Variants in CNTNAP4 observed in about 807,000 individuals in gnomAD.
CNTNAP4 encodes contactin associated protein family member 4.
A neutral mutation model predicts 148.4 loss-of-function variants in CNTNAP4; 98 were observed. That is an observed-to-expected ratio of 0.66 (90% CI 0.56 to 0.78). The LOEUF (loss-of-function observed/expected upper bound fraction) is 0.78, where lower values mean the gene tolerates loss of function less well. CNTNAP4 is among the 30% of genes least tolerant of loss of function. The pLI is 0.00. For missense variants in CNTNAP4, 1,935 were observed against 1,565.6 expected (o/e 1.24, Z -3.98); for synonymous variants, 730 against 565.1 (o/e 1.29, Z -4.14).
intron 3 of CNTNAP4, among the ~76,000 whole-genome samples, chr16:76,383,936 A>G (rs964994408): frequency 1.3e-5 from 2 of 152,204 alleles, no homozygotes; most frequent in African/African-American, 4.8e-5. Flanking sequence ...TGTCCATAAT[A>G]AAAATGTTAA....
chr16:76,369,846 A>AGAGG (rs2014589846), intron 3 of CNTNAP4, among the ~76,000 whole-genome samples: 1 of 152,044 alleles, frequency 6.6e-6, no homozygotes, highest in East Asian at 1.9e-4. Flanking sequence ...TGTTTCAAAG[A>AGAGG]GAGGGAGGGA....
intron 23 of CNTNAP4, 70 bp downstream of exon 23, chr16:76,553,977 G>T: frequency 1.0e-6 from 1 of 1,001,660 alleles, no homozygotes; most frequent in South Asian, 1.4e-5. Context: ...ATTTAGCATT[G>T]TAGAAACTGT....
Position 76,452,514 on chromosome 16 carries a change from G to T in CNTNAP4, c.1078G>T (p.Val360Leu), listed in dbSNP as rs752679184. 2 of 1,613,940 alleles carry T rather than the reference G, an allele frequency of 1.2e-6. No individual in the cohort carries two copies. Among genetic ancestry groups the T allele is most frequent in the East Asian group, 4.5e-5 (2 of 44,882 alleles). ...TCTTTTACTTTATTCTCAGGGAAAT[G>T]TGTCATTTTCTTGTTCACAACCACA... is the stretch of plus-strand genomic sequence containing the variant. ...QKPQIIAMGN[V>L]SFSCSQPQSM... The change falls in exon 8 of 24, where the codon GTG becomes TTG. Residue 360 changes from valine to leucine, a missense_variant. Physicochemically the swap from Val to Leu is conservative, Grantham distance 32 (BLOSUM62 1). Coordinates refer to ENST00000611870, the MANE Select transcript of CNTNAP4 (RefSeq NM_033401.5).
At chr16:76,411,216 A>T (rs1227144130) in intron 3 of CNTNAP4, among the ~76,000 whole-genome samples, 1 of 151,450 alleles carries the variant, frequency 6.6e-6, no homozygotes, top group Non-Finnish European at 1.5e-5. Flanking sequence ...ATTTATTTTA[A>T]TCTGCTTAGA....
intron 2 of CNTNAP4, among the ~76,000 whole-genome samples, chr16:76,345,239 C>G (rs547501278): frequency 6.6e-6 from 1 of 152,262 alleles, no homozygotes; most frequent in South Asian, 2.1e-4. Flanking sequence ...ATTCCTCTGG[C>G]TAGCTCCCAG....
At chr16:76,291,055 A>G (rs1307278118) in intron 1 of CNTNAP4, among the ~76,000 whole-genome samples, 1 of 152,066 alleles carries the variant, frequency 6.6e-6, no homozygotes. Flanking sequence ...ACCTCATTTA[A>G]ACATAATTGC....
intron 19 of CNTNAP4, 89 bp from the exon 20 acceptor site, chr16:76,539,630 A>G: frequency 1.8e-6 from 2 of 1,095,858 alleles, no homozygotes; most frequent in Non-Finnish European, 2.6e-6. Context: ...AAATGAATAA[A>G]TAGCAACAAA....
At position 76,277,580 on chromosome 16, in the gene CNTNAP4, G is replaced by A. The variant is rs1479349422; in HGVS notation, c.-83G>A. The A allele has an allele frequency of 3.4e-6, 3 of 890,198 alleles. No homozygotes were observed. The highest frequency in any genetic ancestry group is 5.5e-6 in the Non-Finnish European group (3 of 550,310). The allele number at this position is 890,198 out of a possible 1,614,324, so 55.1% of individuals were successfully genotyped here. ...CCTAGAGGGGCTGAAGACCCAGACAGAGCTGGCAGAGCTACTGAGAAGAGG... is the reference window on the plus strand; with the variant it reads ...CCTAGAGGGGCTGAAGACCCAGACAAAGCTGGCAGAGCTACTGAGAAGAGG... On this transcript the variant is annotated 5_prime_UTR_variant, in exon 1 of 24. Coordinates refer to ENST00000611870, the MANE Select transcript of CNTNAP4 (RefSeq NM_033401.5).
chr16:76,338,210 A>G (rs9932713), intron 2 of CNTNAP4, among the ~76,000 whole-genome samples: 2,780 of 152,314 alleles, frequency 0.018, 81 homozygotes, highest in African/African-American at 0.063. Flanking sequence ...AAGAAATTAT[A>G]AAAGTATTAA....
At position 76,467,375 on chromosome 16, in the gene CNTNAP4, T is replaced by A; in HGVS notation, c.1507T>A (p.Ser503Thr). The A allele has an allele frequency of 6.2e-7, 1 of 1,613,876 alleles. No individual in the cohort carries two copies. Among genetic ancestry groups the A allele is most frequent in the Non-Finnish European group, 8.5e-7 (1 of 1,179,822 alleles). ...FGGCPDKSFG[S>T]KCKSPLGGFQ... ...AGGTTGTCCTGACAAAAGCTTTGGATCCAAATGTAAAAGTCCACTTGGTGG... is the reference window on the plus strand; with the variant it reads ...AGGTTGTCCTGACAAAAGCTTTGGAACCAAATGTAAAAGTCCACTTGGTGG... The change falls in exon 10 of 24, where the codon TCC (serine) becomes ACC (threonine). Residue 503 changes from serine to threonine, a missense_variant. Transcript: ENST00000611870.
At chr16:76,366,395 G>C (rs1024524033) in intron 3 of CNTNAP4, among the ~76,000 whole-genome samples, 1 of 152,108 alleles carries the variant, frequency 6.6e-6, no homozygotes, top group Non-Finnish European at 1.5e-5. Context: ...TTGGTTTTCT[G>C]TTCGTGCATT....
At chr16:76,488,171 A>G (rs2082091756) in intron 12 of CNTNAP4, among the ~76,000 whole-genome samples, 1 of 152,122 alleles carries the variant, frequency 6.6e-6, no homozygotes, top group African/African-American at 2.4e-5. Flanking sequence ...CGTTCTGCCA[A>G]TTTAATTTCC....
At chr16:76,296,782 T>G (rs1399723967) in intron 1 of CNTNAP4, among the ~76,000 whole-genome samples, 1 of 152,194 alleles carries the variant, frequency 6.6e-6, no homozygotes, top group Non-Finnish European at 1.5e-5. Flanking sequence ...CAAAGATGAA[T>G]GCTATTGAAT....
intron 2 of CNTNAP4, among the ~76,000 whole-genome samples, chr16:76,320,992 A>C (rs964648609): frequency 6.6e-6 from 1 of 152,210 alleles, no homozygotes; most frequent in Non-Finnish European, 1.5e-5. Flanking sequence ...AAATACTGTG[A>C]GTTTCCACTC....
intron 3 of CNTNAP4, among the ~76,000 whole-genome samples, chr16:76,427,130 G>A (rs1197282610): frequency 6.6e-6 from 1 of 152,144 alleles, no homozygotes; most frequent in Admixed American, 6.6e-5. Flanking sequence ...TATTCACAAT[G>A]TTAAGTGCTA....
At position 76,506,372 on chromosome 16, in the gene CNTNAP4, C is replaced by G. The variant is rs1336590570; in HGVS notation, c.2365+7678C>G. Among the ~76,000 whole-genome samples, 63 of 81,848 alleles carry G rather than the reference C, an allele frequency of 7.7e-4. 6 individuals carry two copies. Among genetic ancestry groups the G allele is most frequent in the African/African-American group, 1.7e-3 (62 of 36,800 alleles). 53.7% of individuals were successfully genotyped at this position (81,848 alleles called of 152,430 possible). On this transcript the variant is annotated intron_variant, in intron 15 of 23. Transcript: ENST00000611870. ...TTTCCTTATCTCCCTCCCTCCCTTC[C>G]TCCCTTCCTCATTTCCTTCTTTCCT... is the stretch of plus-strand genomic sequence containing the variant.
At chr16:76,315,170 TTTTG>T (rs958619635) in intron 1 of CNTNAP4, among the ~76,000 whole-genome samples, 10 of 152,180 alleles carry the variant, frequency 6.6e-5, no homozygotes, top group African/African-American at 1.4e-4. Flanking sequence ...GTCGTTAATT[TTTTG>T]TTTGTTTGTT....
At chr16:76,383,100 G>A (rs1445849877) in intron 3 of CNTNAP4, among the ~76,000 whole-genome samples, 1 of 135,924 alleles carries the variant, frequency 7.4e-6, no homozygotes, top group Non-Finnish European at 1.6e-5. Flanking sequence ...GAAAAATCAA[G>A]CATTTATCCC....
At chr16:76,326,420 G>C (rs552098516) in intron 2 of CNTNAP4, among the ~76,000 whole-genome samples, 262 of 152,306 alleles carry the variant, frequency 1.7e-3, no homozygotes, top group Non-Finnish European at 3.2e-3. Context: ...CCCAGCAGGG[G>C]ATGGACGGAT....
Sources: allele counts gnomAD v4.1 joint callset (sites outside exome capture counted in the v4.1 genomes callset), GRCh38; gene constraint gnomAD v4.1.1; transcripts MANE v1.5; gene names NCBI Gene and HGNC (gene_info 2026-07-23, HGNC 2026-07-21).